Variants in CYP19A1 observed in about 807,000 individuals in gnomAD.
CYP19A1 encodes cytochrome P450 family 19 subfamily A member 1, also known as aromatase.
CYP19A1 carries 32 observed loss-of-function variants against 44.4 expected under a neutral mutation model. The ratio of observed to expected loss-of-function variants is 0.72; its 90% confidence interval spans 0.54 to 0.97. The LOEUF is 0.97. CYP19A1 is among the 50% of genes least tolerant of loss of function. The pLI is 0.00. For synonymous variants in CYP19A1, 212 were observed against 215.6 expected (o/e 0.98, Z 0.14); for missense variants, 598 against 637.8 (o/e 0.94, Z 0.67).
intron 1 of CYP19A1, among the ~76,000 whole-genome samples, chr15:51,322,954 GA>G (rs28757086): frequency 0.035 from 5,402 of 152,274 alleles, 304 homozygotes; most frequent in African/African-American, 0.12. Flanking sequence ...TGCTAACACA[GA>G]GCTTCCAAAC....
intron 1 of CYP19A1, among the ~76,000 whole-genome samples, chr15:51,321,372 C>G (rs1174636745): frequency 1.3e-5 from 2 of 152,120 alleles, no homozygotes; most frequent in African/African-American, 4.8e-5. Context: ...CTGTGCTCAC[C>G]CTGCTCCCTC....
intron 1 of CYP19A1, among the ~76,000 whole-genome samples, chr15:51,325,606 G>A (rs983397262): frequency 2.6e-5 from 4 of 152,100 alleles, no homozygotes; most frequent in African/African-American, 4.8e-5. Context: ...TTGGGAGGCC[G>A]AGGTGGGCGG....
At chr15:51,229,055 C>T (rs984350105) in intron 3 of CYP19A1, among the ~76,000 whole-genome samples, 23 of 152,022 alleles carry the variant, frequency 1.5e-4, no homozygotes, top group African/African-American at 5.6e-4. Flanking sequence ...AAATACATTC[C>T]CAGAGGACTC....
chr15:51,254,944 T>C (rs2034459555), intron 1 of CYP19A1, among the ~76,000 whole-genome samples: 1 of 152,150 alleles, frequency 6.6e-6, no homozygotes, highest in African/African-American at 2.4e-5. Context: ...AAATTTCCTG[T>C]TAGTTGGCTA....
intron 1 of CYP19A1, among the ~76,000 whole-genome samples, chr15:51,337,062 T>C (rs1348756840): frequency 6.6e-6 from 1 of 152,186 alleles, no homozygotes; most frequent in Non-Finnish European, 1.5e-5. Flanking sequence ...CTCAAAGCCA[T>C]GGTATTCAGA....
At chr15:51,215,298 T>C in intron 7 of CYP19A1, 66 bp from the exon 8 acceptor site, 6 of 1,586,412 alleles carry the variant, frequency 3.8e-6, no homozygotes, top group South Asian at 1.1e-5. Flanking sequence ...TGAGGGGAGG[T>C]GACACTCAAG....
At chr15:51,226,680 A>G (rs1417675955) in intron 4 of CYP19A1, among the ~76,000 whole-genome samples, 1 of 151,346 alleles carries the variant, frequency 6.6e-6, no homozygotes, top group Non-Finnish European at 1.5e-5. Flanking sequence ...AGATTCCACC[A>G]CTGACAAGGT....
At chr15:51,331,929 A>T (rs867788519) in intron 1 of CYP19A1, among the ~76,000 whole-genome samples, 1 of 151,360 alleles carries the variant, frequency 6.6e-6, no homozygotes, top group Admixed American at 6.6e-5. Flanking sequence ...GTATATATAT[A>T]TATATACACA....
chr15:51,213,426 G>A lies in CYP19A1; in HGVS notation c.1022-865C>T, dbSNP rs570487592. On this transcript the variant is annotated intron_variant, in intron 8 of 9. Transcript: ENST00000396402. ...GAGGCAGCCCTGTCTCATATACAAC[G>A]AAGCCACTGAGGAAAGGTCTAGTTT... Among the ~76,000 whole-genome samples the A allele has an allele frequency of 6.6e-5, 10 of 152,238 alleles. No homozygotes were observed. The South Asian group carries it at 1.0e-3, about 16-fold the overall frequency.
chr15:51,276,468 C>A (rs1166922732), intron 1 of CYP19A1, among the ~76,000 whole-genome samples: 1 of 152,176 alleles, frequency 6.6e-6, no homozygotes, highest in Non-Finnish European at 1.5e-5. Context: ...TGTTAACTAC[C>A]CTTCATATTT....
intron 1 of CYP19A1, among the ~76,000 whole-genome samples, chr15:51,311,862 C>T (rs1217399240): frequency 6.6e-6 from 1 of 152,146 alleles, no homozygotes; most frequent in Non-Finnish European, 1.5e-5. Context: ...GGCCTCAGTT[C>T]CTCACCTGAA....
At chr15:51,243,031 G>A (rs2033872031) in intron 1 of CYP19A1, 81 bp from the exon 2 acceptor site, 5 of 781,076 alleles carry the variant, frequency 6.4e-6, no homozygotes, top group Non-Finnish European at 1.2e-5. Context: ...AGAGGGTGCT[G>A]TACAGTACAG....
intron 2 of CYP19A1, 144 bp downstream of exon 2, chr15:51,242,624 A>G (rs1355231717): frequency 4.5e-6 from 3 of 664,576 alleles, no homozygotes; most frequent in African/African-American, 3.6e-5. Context: ...TTTTCTCCCA[A>G]GTCCTCATTT....
At chr15:51,215,359 T>C in intron 7 of CYP19A1, 127 bp from the exon 8 acceptor site, 1 of 1,425,690 alleles carries the variant, frequency 7.0e-7, no homozygotes, top group South Asian at 1.2e-5. Context: ...GTCTCTGTGA[T>C]TGACTGTGGA....
chr15:51,302,079 G>T (rs572135839), intron 1 of CYP19A1, among the ~76,000 whole-genome samples: 19 of 152,176 alleles, frequency 1.2e-4, no homozygotes, highest in African/African-American at 4.1e-4. Context: ...TTTTTGGGGG[G>T]TTCTCATCAA....
chr15:51,239,491 T>C (rs1406115533), intron 2 of CYP19A1, among the ~76,000 whole-genome samples: 1 of 152,170 alleles, frequency 6.6e-6, no homozygotes, highest in East Asian at 1.9e-4. Flanking sequence ...CATGCCACGA[T>C]GTGGATGGAT....
chr15:51,215,917 T>C (rs779951697), intron 6 of CYP19A1, 100 bp from the exon 7 acceptor site: 5 of 1,579,748 alleles, frequency 3.2e-6, no homozygotes, highest in Admixed American at 3.5e-5. Flanking sequence ...TCTGCTTTAA[T>C]TGAAAACATT....
rs200179589 is a variant in CYP19A1, at chr15:51,336,472, GA to G, written c.-39+2022del. ...AGGCTGAGTGGAAGATGCATGTGGT[GA>G]CAACTTTTAGGGTGGCTCTCTCCCT... On this transcript the variant is annotated intron_variant, in intron 1 of 9. Coordinates refer to ENST00000396402, the MANE Select transcript of CYP19A1 (RefSeq NM_000103.4). Among the ~76,000 whole-genome samples, 1,292 of 152,318 alleles carry G rather than the reference GA, an allele frequency of 8.5e-3. 17 individuals are homozygous for G. The highest frequency in any genetic ancestry group is 0.029 in the African/African-American group (1,218 of 41,564).
Position 51,212,459 on chromosome 15 carries a change from C to T in CYP19A1, c.1124G>A (p.Arg375His), listed in dbSNP as rs762631156. ...RYQPVVDLVM[R>H]KALEDDVIDG... Reference sequence around the variant, plus strand: ...GATTACATCATCTTCTAAGGCTTTGCGCATGACCAAGTCCACGACAGGCTG... The same window carrying T: ...GATTACATCATCTTCTAAGGCTTTGTGCATGACCAAGTCCACGACAGGCTG... Residue 375 changes from arginine to histidine, a missense_variant, in exon 9 of 10, where the codon CGC becomes CAC. Transcript: ENST00000396402. 5.0e-6 allele frequency: 8 copies of T among 1,609,426 alleles called. No homozygotes were observed. The highest frequency in any genetic ancestry group is 2.2e-5 in the East Asian group (1 of 44,864).
Sources: gnomAD v4.1 joint callset for allele counts (sites outside exome capture counted in the v4.1 genomes callset) on GRCh38, gnomAD v4.1.1 for gene constraint, MANE v1.5 for transcripts, NCBI Gene and HGNC (gene_info 2026-07-23, HGNC 2026-07-21) for gene names.